The following DPY19L4 variants were observed in gnomAD, a reference collection of about 807,000 sequenced individuals.
The protein encoded by DPY19L4 is probable C-mannosyltransferase DPY19L4.
In DPY19L4, 97 loss-of-function variants were observed where a neutral mutation model predicts 102.8. That is an observed-to-expected ratio of 0.94 (90% confidence interval 0.80 to 1.12). The LOEUF (loss-of-function observed/expected upper bound fraction) is 1.12, where lower values mean the gene tolerates loss of function less well. Ranked by LOEUF, DPY19L4 falls within the 50% of genes most tolerant of loss-of-function variation. The pLI is 0.00. For missense variants in DPY19L4, 815 were observed against 850.4 expected, an observed-to-expected ratio of 0.96 and a Z score of 0.52; for synonymous variants, 252 against 283.1, an observed-to-expected ratio of 0.89 and a Z score of 1.10.
At chr8:94,755,695 G>A (rs1812129203) in intron 6 of DPY19L4, among the ~76,000 whole-genome samples, 1 of 152,126 alleles carries the variant, frequency 6.6e-6, no homozygotes, top group East Asian at 1.9e-4. Context: ...AGGAGTTTGA[G>A]ACAACACGGT....
At chr8:94,742,905 A>G (rs546690747) in intron 6 of DPY19L4, among the ~76,000 whole-genome samples, 12 of 151,982 alleles carry the variant, frequency 7.9e-5, no homozygotes, top group African/African-American at 2.9e-4. Context: ...TGGTTTCACC[A>G]TGTTGCCTAG....
At chr8:94,773,533 C>T (rs1027768787) in intron 13 of DPY19L4, among the ~76,000 whole-genome samples, 6 of 151,880 alleles carry the variant, frequency 4.0e-5, no homozygotes, top group African/African-American at 1.2e-4. Context: ...CCAGTTCAAG[C>T]GATTCTCCTG....
rs370328672 is a variant in DPY19L4 at position 94,743,356 on chromosome 8, G to T, written c.611+3566G>T. Reference sequence around the variant, plus strand: ...ATTCTTGTATTTTAAAGTGAAGTGGGGTCAGGTGTAGTGGCTCACACCTAT... The same window carrying T: ...ATTCTTGTATTTTAAAGTGAAGTGGTGTCAGGTGTAGTGGCTCACACCTAT... On this transcript the variant is annotated intron_variant, in intron 6 of 18. Coordinates refer to ENST00000414645, the MANE Select transcript of DPY19L4 (RefSeq NM_181787.3). 2.0e-5 allele frequency among the ~76,000 whole-genome samples: 3 copies of T among 152,210 alleles called. No homozygotes were observed. In the East Asian group the frequency reaches 5.8e-4, roughly 30 times the overall value.
In DPY19L4 at chr8:94,790,067, T is replaced by C; in HGVS notation, c.*157T>C. On this transcript the variant is annotated 3_prime_UTR_variant, in exon 19 of 19. Transcript: ENST00000414645. Reference sequence around the variant, plus strand: ...ACTGGATCCAGAGTTCTGTGGGAAATAGAAGATCAAGCATTACTGTCCTTT... The same window carrying C: ...ACTGGATCCAGAGTTCTGTGGGAAACAGAAGATCAAGCATTACTGTCCTTT... 2 of 660,902 alleles carry C rather than the reference T, an allele frequency of 3.0e-6. No individual in the cohort carries two copies. Among genetic ancestry groups the C allele is most frequent in the Non-Finnish European group, 4.9e-6 (2 of 406,824 alleles). The allele number at this position is 660,902 out of a possible 1,614,324, so 40.9% of individuals were successfully genotyped here.
At chr8:94,733,729 A>T (rs1191649959) in intron 2 of DPY19L4, among the ~76,000 whole-genome samples, 3 of 151,738 alleles carry the variant, frequency 2.0e-5, no homozygotes, top group Admixed American at 1.3e-4. Flanking sequence ...TTTAGTACAG[A>T]CAGGGTTTCA....
chr8:94,772,550 C>T (rs553470542), intron 13 of DPY19L4, among the ~76,000 whole-genome samples: 4 of 152,380 alleles, frequency 2.6e-5, no homozygotes, highest in Admixed American at 6.5e-5. Context: ...CACCTGTTTT[C>T]CTCTCAGAAA....
At chr8:94,765,341 C>T in intron 9 of DPY19L4, 27 bp downstream of exon 9, 1 of 1,577,720 alleles carries the variant, frequency 6.3e-7, no homozygotes, top group Non-Finnish European at 8.6e-7. Context: ...TTTTATTGTT[C>T]TTATTTTGAT....
intron 14 of DPY19L4, among the ~76,000 whole-genome samples, chr8:94,778,718 T>A (rs746350803): frequency 2.4e-4 from 36 of 152,138 alleles, no homozygotes; most frequent in Non-Finnish European, 4.7e-4. Context: ...CAATCTGAGA[T>A]TGGAAATATA....
chr8:94,757,214 T>G (rs1812199768), intron 7 of DPY19L4, among the ~76,000 whole-genome samples: 1 of 152,178 alleles, frequency 6.6e-6, no homozygotes, highest in Non-Finnish European at 1.5e-5. Flanking sequence ...TATGGGTCCT[T>G]TATAAAAATC....
intron 13 of DPY19L4, among the ~76,000 whole-genome samples, chr8:94,773,338 A>AT (rs1296352562): frequency 2.0e-5 from 3 of 149,430 alleles, no homozygotes; most frequent in African/African-American, 7.3e-5. Flanking sequence ...AAATGTTACC[A>AT]TCTTTAGAAG....
At chr8:94,734,485 T>C in intron 2 of DPY19L4, 145 bp from the exon 3 acceptor site, 1 of 788,278 alleles carries the variant, frequency 1.3e-6, no homozygotes, top group Non-Finnish European at 2.0e-6. Context: ...TGCCCCTCTG[T>C]TGGAATTTAT....
intron 1 of DPY19L4, among the ~76,000 whole-genome samples, chr8:94,723,731 T>G (rs974257151): frequency 6.6e-6 from 1 of 152,228 alleles, no homozygotes; most frequent in Non-Finnish European, 1.5e-5. Flanking sequence ...AAAATTGATA[T>G]GTCTTAAAAT....
intron 13 of DPY19L4, among the ~76,000 whole-genome samples, chr8:94,777,101 T>G (rs1813221058): frequency 6.6e-6 from 1 of 152,104 alleles, no homozygotes; most frequent in African/African-American, 2.4e-5. Context: ...AGAGTCTCGC[T>G]TTTCACCCAG....
At chr8:94,747,438 T>C (rs1811724463) in intron 6 of DPY19L4, among the ~76,000 whole-genome samples, 1 of 151,996 alleles carries the variant, frequency 6.6e-6, no homozygotes, top group Admixed American at 6.6e-5. Context: ...ATTAAAGTGG[T>C]ACCGCATTGC....
Position 94,765,252 on chromosome 8 carries a change from G to A in DPY19L4, c.940G>A (p.Ala314Thr). The A allele has an allele frequency of 6.2e-7, 1 of 1,609,866 alleles. No homozygotes were observed. Among genetic ancestry groups the A allele is most frequent in the Non-Finnish European group, 8.5e-7 (1 of 1,178,926 alleles). The change falls in exon 9 of 19, where the codon GCT becomes ACT. Residue 314 changes from alanine (A) to threonine (T), a missense_variant. By Grantham distance (58) the Ala-to-Thr change is moderately conservative. Coordinates refer to ENST00000414645, the MANE Select transcript of DPY19L4 (RefSeq NM_181787.3). The stretch of plus-strand genomic sequence containing the variant: ...ATATTTACTACAGTTTGAGAATCCA[G>A]CTTTGTTGGTATCTCCTTTATTAAG... ...LGYLLQFENP[A>T]LLVSPLLSLV... is the part of the protein sequence containing the mutation.
At chr8:94,756,000 G>A (rs188046478) in intron 6 of DPY19L4, 36 bp from the exon 7 acceptor site, 4 of 1,574,630 alleles carry the variant, frequency 2.5e-6, no homozygotes, top group Non-Finnish European at 3.5e-6. Context: ...CAAATATAAT[G>A]TCTTATTTTT....
chr8:94,787,780 C>G (rs1452132500), intron 17 of DPY19L4, 114 bp from the exon 18 acceptor site: 1 of 368,240 alleles, frequency 2.7e-6, no homozygotes, highest in Non-Finnish European at 4.3e-6. Flanking sequence ...TATAATCGTA[C>G]TTAGAACACA....
intron 6 of DPY19L4, among the ~76,000 whole-genome samples, chr8:94,740,435 G>A (rs1044314216): frequency 4.0e-5 from 6 of 151,578 alleles, no homozygotes; most frequent in Non-Finnish European, 5.9e-5. Context: ...ATACTGTTTT[G>A]GTTTTGTTTT....
In DPY19L4 at chr8:94,777,706, G is replaced by A. The variant is rs1813247737; in HGVS notation, c.1495G>A (p.Ala499Thr). Residue 499 changes from alanine (A) to threonine (T), a missense_variant, in exon 14 of 19, where the codon GCA becomes ACA. Ala to Thr is a moderately conservative substitution (Grantham distance 58). Coordinates refer to ENST00000414645, the MANE Select transcript of DPY19L4 (RefSeq NM_181787.3). ...GATTCCTTATGTGTGCATGTTAGCA[G>A]CATTTGGTGTATGTTCTCCCGAACT... ...IWIPYVCMLA[A>T]FGVCSPELWM... The A allele has an allele frequency of 6.2e-6, 10 of 1,614,050 alleles. No individual in the cohort carries two copies. Among genetic ancestry groups the A allele is most frequent in the Non-Finnish European group, 8.5e-6 (10 of 1,179,996 alleles).
Sources: gnomAD v4.1 joint callset for allele counts (sites outside exome capture counted in the v4.1 genomes callset) on GRCh38, gnomAD v4.1.1 for gene constraint, MANE v1.5 for transcripts, NCBI Gene and HGNC (gene_info 2026-07-23, HGNC 2026-07-21) for gene names.